The following CSMD1 variants were observed in gnomAD, a reference collection of about 807,000 sequenced individuals.
The protein encoded by CSMD1 is CUB and sushi domain-containing protein 1.
In CSMD1, 213 loss-of-function variants were observed where a neutral mutation model predicts 417.5. The ratio of observed to expected loss-of-function variants is 0.51; its 90% CI spans 0.46 to 0.57. The LOEUF (loss-of-function observed/expected upper bound fraction) is 0.57. Among genes scored for constraint, CSMD1 ranks in the 20% least tolerant of loss-of-function variants. The probability of loss-of-function intolerance (pLI) is 0.00; values close to 1 mark genes in which losing one functional copy is unlikely to be tolerated. For synonymous variants in CSMD1, 2,862 were observed against 1,736.8 expected, an observed-to-expected ratio of 1.65 and a Z score of -16.11; for missense variants, 6,923 against 4,529.7, an observed-to-expected ratio of 1.53 and a Z score of -15.17.
chr8:3,836,699 T>A (rs1802731991), intron 5 of CSMD1, among the ~76,000 whole-genome samples: 2 of 152,116 alleles, frequency 1.3e-5, no homozygotes, highest in African/African-American at 4.8e-5. Context: ...ATGGTTAGAA[T>A]TGGGAAAATA....
intron 1 of CSMD1, among the ~76,000 whole-genome samples, chr8:4,702,824 T>A (rs1807666424): frequency 6.6e-6 from 1 of 152,168 alleles, no homozygotes; most frequent in South Asian, 2.1e-4. Flanking sequence ...CATCATATCT[T>A]CTCTTTGTCT....
At chr8:4,173,786 A>G (rs188664788) in intron 3 of CSMD1, among the ~76,000 whole-genome samples, 2 of 152,204 alleles carry the variant, frequency 1.3e-5, no homozygotes, top group East Asian at 3.9e-4. Flanking sequence ...CTATGACTCA[A>G]AAGTTAGTGG....
chr8:4,119,256 A>AT (rs760876216), intron 3 of CSMD1, among the ~76,000 whole-genome samples: 16 of 152,214 alleles, frequency 1.1e-4, no homozygotes, highest in Admixed American at 4.6e-4. Context: ...TTAAAGTAAA[A>AT]TTAAAAAAAA....
At chr8:3,152,801 C>A (rs1444993892) in intron 39 of CSMD1, among the ~76,000 whole-genome samples, 2 of 152,226 alleles carry the variant, frequency 1.3e-5, no homozygotes, top group Non-Finnish European at 2.9e-5. Flanking sequence ...CAAGGCCAGG[C>A]TCCCATGTGC....
At chr8:4,224,886 G>A (rs551986415) in intron 3 of CSMD1, among the ~76,000 whole-genome samples, 1 of 128,696 alleles carries the variant, frequency 7.8e-6, no homozygotes, top group Admixed American at 8.2e-5. Context: ...AAGGCAGGTG[G>A]ATCATTTGAG....
intron 3 of CSMD1, among the ~76,000 whole-genome samples, chr8:4,351,680 G>A (rs1029524524): frequency 1.3e-5 from 2 of 152,168 alleles, no homozygotes; most frequent in African/African-American, 2.4e-5. Context: ...TCTTCCAAGA[G>A]GAGACTTGAA....
intron 5 of CSMD1, among the ~76,000 whole-genome samples, chr8:3,903,773 T>A (rs2627422): frequency 0.032 from 4,887 of 152,160 alleles, 270 homozygotes; most frequent in African/African-American, 0.11. Flanking sequence ...CCCAATTGAG[T>A]CCACATTTGA....
At chr8:4,878,289 A>C (rs1249891039) in intron 1 of CSMD1, among the ~76,000 whole-genome samples, 2 of 152,108 alleles carry the variant, frequency 1.3e-5, no homozygotes, top group Non-Finnish European at 2.9e-5. Flanking sequence ...GACCAACTTA[A>C]CACAACGCGA....
At chr8:4,897,779 G>C (rs886548240) in intron 1 of CSMD1, among the ~76,000 whole-genome samples, 1 of 152,030 alleles carries the variant, frequency 6.6e-6, no homozygotes, top group African/African-American at 2.4e-5. Context: ...AAGAATTCAA[G>C]TTATATGCCA....
At chr8:3,000,905 G>A (rs77792806) in intron 52 of CSMD1, among the ~76,000 whole-genome samples, 3,609 of 152,214 alleles carry the variant, frequency 0.024, 146 homozygotes, top group African/African-American at 0.082. Flanking sequence ...GACAAACATG[G>A]CATTGAAAGA....
intron 23 of CSMD1, among the ~76,000 whole-genome samples, chr8:3,333,992 T>C (rs1807075568): frequency 6.6e-6 from 1 of 152,202 alleles, no homozygotes. Flanking sequence ...AATCTAGTTC[T>C]TAAAAAGAAG....
At chr8:3,050,136 C>T (rs1811723271) in intron 50 of CSMD1, among the ~76,000 whole-genome samples, 3 of 151,158 alleles carry the variant, frequency 2.0e-5, no homozygotes, top group Admixed American at 2.0e-4. Flanking sequence ...TGATTGGTCT[C>T]CACCTAAGAC....
intron 1 of CSMD1, among the ~76,000 whole-genome samples, chr8:4,940,265 C>T (rs182300608): frequency 1.3e-5 from 2 of 152,170 alleles, no homozygotes; most frequent in Admixed American, 6.5e-5. Context: ...GAGCAGTTAA[C>T]AGTCCATTGA....
At chr8:3,706,578 G>C (rs1801180861) in intron 7 of CSMD1, among the ~76,000 whole-genome samples, 1 of 152,124 alleles carries the variant, frequency 6.6e-6, no homozygotes, top group South Asian at 2.1e-4. Context: ...TTCAGATGAG[G>C]ACAGAAGAGA....
At chr8:4,872,223 GGAC>G in intron 1 of CSMD1, among the ~76,000 whole-genome samples, 1 of 152,128 alleles carries the variant, frequency 6.6e-6, no homozygotes, top group Non-Finnish European at 1.5e-5. Flanking sequence ...CTTGGAGTTG[GGAC>G]GACAATATTT....
intron 5 of CSMD1, among the ~76,000 whole-genome samples, chr8:3,820,068 A>G (rs908256675): frequency 6.6e-6 from 1 of 152,176 alleles, no homozygotes; most frequent in African/African-American, 2.4e-5. Context: ...TTTCCACTTA[A>G]GACGCTCAGT....
At chr8:4,414,042 A>C (rs374365970) in intron 3 of CSMD1, among the ~76,000 whole-genome samples, 115 of 152,086 alleles carry the variant, frequency 7.6e-4, no homozygotes, top group African/African-American at 1.9e-3. Context: ...CTTGAAAAGG[A>C]AACATTTCTA....
At chr8:3,407,754 A>C (rs1034787569) in intron 14 of CSMD1, 145 bp downstream of exon 14, 1 of 759,682 alleles carries the variant, frequency 1.3e-6, no homozygotes, top group African/African-American at 1.8e-5. Context: ...GGATAACACT[A>C]TAATTTTACT....
chr8:3,429,690 A>G (rs1188621949), intron 12 of CSMD1, among the ~76,000 whole-genome samples: 1 of 152,236 alleles, frequency 6.6e-6, no homozygotes, highest in Non-Finnish European at 1.5e-5. Context: ...TCTTGTGCAT[A>G]AAGTATAACT....
Sources: allele counts gnomAD v4.1 joint callset (sites outside exome capture counted in the v4.1 genomes callset), GRCh38; gene constraint gnomAD v4.1.1; transcripts MANE v1.5; gene names NCBI Gene and HGNC (gene_info 2026-07-23, HGNC 2026-07-21).